Variants in DOCK1 observed in about 807,000 individuals in gnomAD.
The protein encoded by DOCK1 is dedicator of cytokinesis protein 1.
DOCK1 carries 138 observed loss-of-function variants against 262.7 expected under a neutral mutation model. The observed-to-expected ratio is 0.53, with a 90% CI of 0.46 to 0.61. The LOEUF (loss-of-function observed/expected upper bound fraction) is 0.61, where lower values mean the gene tolerates loss of function less well. Among genes scored for constraint, DOCK1 ranks in the 20% least tolerant of loss-of-function variants. The pLI, the probability that DOCK1 is intolerant of heterozygous loss-of-function variation, is 0.00. For synonymous variants in DOCK1, 866 were observed against 867.4 expected (o/e 1.00, Z 0.03); for missense variants, 1,908 against 2,370.7 (o/e 0.80, Z 4.05).
At chr10:127,321,581 G>A (rs1029313485) in intron 29 of DOCK1, among the ~76,000 whole-genome samples, 1 of 151,546 alleles carries the variant, frequency 6.6e-6, no homozygotes, top group Non-Finnish European at 1.5e-5. Context: ...GGTCCCCAAG[G>A]CTGAGCACAG....
chr10:126,948,220 G>T (rs2035738767), intron 1 of DOCK1, among the ~76,000 whole-genome samples: 2 of 77,562 alleles, frequency 2.6e-5, no homozygotes, highest in Non-Finnish European at 5.8e-5. Context: ...TGGTGATGGT[G>T]GTGGTTGGTA....
intron 4 of DOCK1, 70 bp downstream of exon 4, chr10:126,982,043 G>T (rs372444674): frequency 2.0e-6 from 3 of 1,530,666 alleles, no homozygotes; most frequent in East Asian, 2.3e-5. Flanking sequence ...TCTTTTGTAC[G>T]ATGGCGTAAT....
At chr10:127,102,692 T>G (rs1387231700) in intron 23 of DOCK1, among the ~76,000 whole-genome samples, 3 of 152,004 alleles carry the variant, frequency 2.0e-5, no homozygotes, top group Non-Finnish European at 4.4e-5. Context: ...ATACAAAAAT[T>G]AGCCGGGTGT....
intron 1 of DOCK1, among the ~76,000 whole-genome samples, chr10:126,907,658 C>T (rs924687293): frequency 5.9e-5 from 9 of 152,032 alleles, no homozygotes; most frequent in African/African-American, 1.7e-4. Flanking sequence ...AGTTAGGATC[C>T]TATAGTGTAG....
At chr10:127,008,609 G>A in intron 10 of DOCK1, 123 bp from the exon 11 acceptor site, 1 of 827,352 alleles carries the variant, frequency 1.2e-6, no homozygotes, top group Non-Finnish European at 2.0e-6. Context: ...ATTTAGACTT[G>A]ACTATGAGAA....
chr10:127,205,122 C>T (rs940085659), intron 27 of DOCK1, among the ~76,000 whole-genome samples: 1 of 151,936 alleles, frequency 6.6e-6, no homozygotes, highest in African/African-American at 2.4e-5. Flanking sequence ...TTTCCTTCCC[C>T]ACAGAGTAAA....
intron 1 of DOCK1, among the ~76,000 whole-genome samples, chr10:126,953,419 T>C (rs1194790594): frequency 4.6e-5 from 7 of 151,902 alleles, no homozygotes; most frequent in African/African-American, 7.3e-5. Flanking sequence ...GTGGTGGTGG[T>C]AGTATTGTTA....
At chr10:127,409,533 C>A in intron 42 of DOCK1, 142 bp downstream of exon 42, 1 of 839,362 alleles carries the variant, frequency 1.2e-6, no homozygotes, top group South Asian at 1.7e-5. Context: ...CTTTGAAGAG[C>A]AAGGGAAGCT....
chr10:127,431,104 T>C, intron 47 of DOCK1, among the ~76,000 whole-genome samples: 1 of 151,022 alleles, frequency 6.6e-6, no homozygotes, highest in Admixed American at 6.6e-5. Context: ...TGGCTCGGGG[T>C]TTTATGGAGG....
intron 28 of DOCK1, among the ~76,000 whole-genome samples, chr10:127,251,490 C>T (rs1259324783): frequency 3.3e-5 from 5 of 150,930 alleles, no homozygotes; most frequent in African/African-American, 4.9e-5. Context: ...AATAACTCGT[C>T]ATTTAGAATT....
At chr10:127,213,197 A>T (rs917705871) in intron 27 of DOCK1, among the ~76,000 whole-genome samples, 16 of 152,234 alleles carry the variant, frequency 1.1e-4, no homozygotes, top group African/African-American at 3.6e-4. Flanking sequence ...GGGAAGAGAG[A>T]GAAAAATGTT....
intron 27 of DOCK1, among the ~76,000 whole-genome samples, chr10:127,173,348 G>A (rs7916731): frequency 0.68 from 103,713 of 152,048 alleles, 35,647 homozygotes; most frequent in East Asian, 0.86. Flanking sequence ...ACCCAGACAT[G>A]TCTTAGTAAA....
chr10:127,197,250 A>C (rs875078), intron 27 of DOCK1, among the ~76,000 whole-genome samples: 125,503 of 151,980 alleles, frequency 0.83, 52,132 homozygotes, highest in South Asian at 0.92. Flanking sequence ...CCTACCCCCC[A>C]TCCAGAGCAC....
At chr10:127,135,460 A>G (rs1391954307) in intron 27 of DOCK1, 1 of 152,676 alleles carries the variant, frequency 6.5e-6, no homozygotes, top group African/African-American at 2.4e-5. Context: ...AAAAATTAAT[A>G]AAGAACTTAA....
chr10:127,335,784 G>A (rs1025190107), intron 29 of DOCK1, among the ~76,000 whole-genome samples: 10 of 151,208 alleles, frequency 6.6e-5, no homozygotes, highest in Admixed American at 2.0e-4. Context: ...GTGCAATCTC[G>A]GCTCATTGCA....
At chr10:126,951,476 G>A (rs1017253539) in intron 1 of DOCK1, among the ~76,000 whole-genome samples, 44 of 151,592 alleles carry the variant, frequency 2.9e-4, no homozygotes, top group African/African-American at 9.2e-4. Context: ...GGTAGTATTC[G>A]TAGTATTGTT....
At chr10:127,443,186 A>G (rs1338694418) in intron 49 of DOCK1, among the ~76,000 whole-genome samples, 1 of 152,126 alleles carries the variant, frequency 6.6e-6, no homozygotes, top group Non-Finnish European at 1.5e-5. Flanking sequence ...CCAAATTTGG[A>G]CACGTCCATG....
At chr10:126,981,892 C>G (rs752156316) in intron 3 of DOCK1, 26 bp from the exon 4 acceptor site, 1 of 1,601,172 alleles carries the variant, frequency 6.2e-7, no homozygotes, top group Non-Finnish European at 8.5e-7. Context: ...ATAATAAAAG[C>G]TACTGTTTTT....
At chr10:127,181,928 C>T (rs981020110) in intron 27 of DOCK1, among the ~76,000 whole-genome samples, 4 of 152,134 alleles carry the variant, frequency 2.6e-5, no homozygotes, top group African/African-American at 9.7e-5. Flanking sequence ...ATTCATTATC[C>T]GGTTTAATTT....
Sources: allele counts gnomAD v4.1 joint callset (sites outside exome capture counted in the v4.1 genomes callset), GRCh38; gene constraint gnomAD v4.1.1; transcripts MANE v1.5; gene names NCBI Gene and HGNC (gene_info 2026-07-23, HGNC 2026-07-21).